RPS10: variants seen among roughly 807,000 people sequenced by gnomAD.
The protein encoded by RPS10 is ribosomal protein S10.
RPS10 carries 2 observed loss-of-function variants against 22.6 expected under a neutral mutation model. The ratio of observed to expected loss-of-function variants is 0.09; its 90% CI spans 0.04 to 0.28. RPS10 has a LOEUF of 0.28. RPS10 is among the 10% of genes least tolerant of loss of function. The pLI is 1.00. For missense variants in RPS10, 137 were observed against 222.2 expected, an observed-to-expected ratio of 0.62 and a Z score of 2.44; for synonymous variants, 70 against 75.9, an observed-to-expected ratio of 0.92 and a Z score of 0.40.
chr6:34,417,958 C>T (rs1765633996), intron 5 of RPS10: 3 of 717,682 alleles, frequency 4.2e-6, no homozygotes, highest in Middle Eastern at 2.3e-4. Context: ...CTCACAACTA[C>T]CTTAGTAGCT....
chr6:34,424,287 T>C (rs1279714796), intron 3 of RPS10: 3 of 289,602 alleles, frequency 1.0e-5, no homozygotes, highest in Non-Finnish European at 2.0e-5. Flanking sequence ...TTCTAATTTC[T>C]TCTCCTGTTG....
intron 4 of RPS10, 120 bp from the exon 5 acceptor site, chr6:34,418,544 A>C (rs1414803854): frequency 6.8e-7 from 1 of 1,465,914 alleles, no homozygotes; most frequent in African/African-American, 1.4e-5. Context: ...GTTAAATATA[A>C]GCAAATTACA....
Position 34,426,068 on chromosome 6 carries a change from G to A in RPS10, c.-37C>T, listed in dbSNP as rs9469779. The A allele has an allele frequency of 0.66, 99,834 of 152,264 alleles. 34,877 individuals are homozygous for A. The highest frequency in any genetic ancestry group is 0.8 in the Non-Finnish European group (54,171 of 68,054). The allele number at this position is 152,264 out of a possible 1,614,324, so 9.4% of individuals were successfully genotyped here. On this transcript the variant is annotated 5_prime_UTR_variant, in exon 1 of 6. Transcript: ENST00000648437. ...CAGGGTCCGGTACCGGGGCTGGAAA[G>A]GAAGGAGCATGCGCGGTGCTGCGTC...
chr6:34,418,492 C>T (rs2113795329), intron 4 of RPS10, 68 bp from the exon 5 acceptor site: 1 of 1,609,926 alleles, frequency 6.2e-7, no homozygotes, highest in Non-Finnish European at 8.5e-7. Flanking sequence ...GGGAAGACAA[C>T]TCACTGACTC....
chr6:34,425,200 G>T lies in RPS10; in HGVS notation c.22C>A (p.Arg8=). The T allele has an allele frequency of 6.2e-7, 1 of 1,611,994 alleles. No individual in the cohort carries two copies. The highest frequency in any genetic ancestry group is 8.5e-7 in the Non-Finnish European group (1 of 1,179,258). MLMPKKN[R]IAIYELLFKE... ...AAAAGGAGTTCATAAATGGCAATCCGGTTCTTCTTAGGCATCAACATCTGC... is the reference window on the plus strand; with the variant it reads ...AAAAGGAGTTCATAAATGGCAATCCTGTTCTTCTTAGGCATCAACATCTGC... The change falls in exon 2 of 6, where the codon CGG becomes AGG. Residue 8 remains arginine, a synonymous_variant. Coordinates refer to ENST00000648437, the MANE Select transcript of RPS10 (RefSeq NM_001014.5).
chr6:34,420,300 C>T (rs1436945308), intron 4 of RPS10, among the ~76,000 whole-genome samples: 2 of 152,082 alleles, frequency 1.3e-5, no homozygotes, highest in African/African-American at 4.8e-5. Flanking sequence ...ACTGCAACCT[C>T]CGCCTCCCAG....
chr6:34,418,034 C>A (rs1554163283), intron 5 of RPS10: 1 of 742,330 alleles, frequency 1.3e-6, no homozygotes, highest in Admixed American at 2.7e-5. Context: ...AACATTACAT[C>A]AACTGAAAAA....
At position 34,417,553 on chromosome 6, in the gene RPS10, A is replaced by G. The variant is rs2113793989; in HGVS notation, c.457-6T>C. The G allele has an allele frequency of 6.2e-7, 1 of 1,613,594 alleles. No individual in the cohort carries two copies. The highest frequency in any genetic ancestry group is 1.8e-4 in the Middle Eastern group (1 of 5,622). On this transcript the variant is annotated splice_polypyrimidine_tract_variant and splice_region_variant and intron_variant, in intron 5 of 5. Coordinates refer to ENST00000648437, the MANE Select transcript of RPS10 (RefSeq NM_001014.5). ...CCACGACCAAATCCGCCTCTCTGTA[A>G]GAGAAAGCACATCACATCAGCATGA...
chr6:34,418,005 G>A (rs1258861371), intron 5 of RPS10: 4 of 696,850 alleles, frequency 5.7e-6, no homozygotes, highest in African/African-American at 3.6e-5. Flanking sequence ...GAGAAACTGA[G>A]GCAGAGGGGA....
chr6:34,426,034 C>G lies in RPS10; in HGVS notation c.-3G>C, dbSNP rs369407350. 19 of 152,608 alleles carry G rather than the reference C, an allele frequency of 1.2e-4. No homozygotes were observed. The East Asian group carries it at 3.3e-3, about 26-fold the overall frequency. 9.5% of individuals were successfully genotyped at this position (152,608 alleles called of 1,614,324 possible). A position where few individuals can be genotyped will look rare whatever the true frequency, so the allele number is the denominator to read the frequency against. On this transcript the variant is annotated splice_region_variant and 5_prime_UTR_variant, in exon 1 of 6. Coordinates refer to ENST00000648437, the MANE Select transcript of RPS10 (RefSeq NM_001014.5). Reference sequence around the variant, plus strand: ...ACTCGAACGCCACAGAAACTCACCTCTGCGGCTGCAGGGTCCGGTACCGGG... The same window carrying G: ...ACTCGAACGCCACAGAAACTCACCTGTGCGGCTGCAGGGTCCGGTACCGGG...
rs927633250 is a variant in RPS10, at chr6:34,423,601, T to C, written c.322+1068A>G. Among the ~76,000 whole-genome samples, 22 of 152,302 alleles carry C rather than the reference T, an allele frequency of 1.4e-4. No individual in the cohort carries two copies. In the East Asian group the frequency reaches 2.1e-3, roughly 15 times the overall value. On this transcript the variant is annotated intron_variant, in intron 3 of 5. Transcript: ENST00000648437. ...CAACTTTTGCTAAAAAGACGTATTA[T>C]GGGCTGGGCGCGGTGGCTAACGCCT...
At chr6:34,422,550 A>T in intron 3 of RPS10, among the ~76,000 whole-genome samples, 1 of 152,038 alleles carries the variant, frequency 6.6e-6, no homozygotes, top group Non-Finnish European at 1.5e-5. Flanking sequence ...CCTGACCTCA[A>T]GTGACCCTCC....
chr6:34,425,733 G>A (rs1765937782), intron 1 of RPS10: 1 of 172,826 alleles, frequency 5.8e-6, no homozygotes, highest in Non-Finnish European at 1.3e-5. Flanking sequence ...CAAGGAGGCA[G>A]TCGGGGGAGT....
At chr6:34,421,051 T>C (rs904803150) in intron 4 of RPS10, among the ~76,000 whole-genome samples, 1 of 149,556 alleles carries the variant, frequency 6.7e-6, no homozygotes. Flanking sequence ...AATCCTATTA[T>C]TCCTTTGCAA....
At chr6:34,418,279 T>C in intron 5 of RPS10, 90 bp downstream of exon 5, 1 of 1,605,666 alleles carries the variant, frequency 6.2e-7, no homozygotes, top group East Asian at 2.2e-5. Flanking sequence ...GACCCACCCA[T>C]ACTATATGAC....
At chr6:34,418,277 C>T in intron 5 of RPS10, 92 bp downstream of exon 5, 1 of 1,604,292 alleles carries the variant, frequency 6.2e-7, no homozygotes, top group Non-Finnish European at 8.5e-7. Context: ...AGGACCCACC[C>T]ATACTATATG....
At chr6:34,424,544 TA>T in intron 3 of RPS10, 124 bp downstream of exon 3, 1 of 1,325,270 alleles carries the variant, frequency 7.5e-7, no homozygotes, top group South Asian at 1.3e-5. Flanking sequence ...ACAAAGGTTC[TA>T]GCACTTGACC....
chr6:34,418,406 G>C lies in RPS10; in HGVS notation c.419C>G (p.Ala140Gly). The change falls in exon 5 of 6, where the codon GCC becomes GGC. Residue 140 changes from alanine (A) to glycine (G), a missense_variant. By Grantham distance (60) the Ala-to-Gly change is moderately conservative. Transcript: ENST00000648437. ...SAVPPGADKK[A>G]EAGAGSATEF... is the part of the protein sequence containing the mutation. ...GGTTGCTGACCCAGCCCCAGCCTCG[G>C]CTTTCTTGTCGGCACCAGCTAGAAA... 6.2e-7 allele frequency: 1 copy of C among 1,614,140 alleles called. No individual in the cohort carries two copies. Among genetic ancestry groups the C allele is most frequent in the Non-Finnish European group, 8.5e-7 (1 of 1,180,020 alleles).
intron 5 of RPS10, 88 bp from the exon 6 acceptor site, chr6:34,417,635 T>G: frequency 1.6e-6 from 2 of 1,275,088 alleles, no homozygotes; most frequent in Admixed American, 1.8e-5. Context: ...TCATTATAAC[T>G]CCAGAGGCCC....
Sources: allele counts gnomAD v4.1 joint callset (sites outside exome capture counted in the v4.1 genomes callset), GRCh38; gene constraint gnomAD v4.1.1; transcripts MANE v1.5; gene names NCBI Gene and HGNC (gene_info 2026-07-23, HGNC 2026-07-21).